DOCK2: variants seen among roughly 807,000 people sequenced by gnomAD.
DOCK2 encodes the protein dedicator of cytokinesis protein 2.
In DOCK2, 87 loss-of-function variants were observed where a neutral mutation model predicts 248.9. The observed-to-expected ratio is 0.35, with a 90% CI of 0.29 to 0.42. The LOEUF (loss-of-function observed/expected upper bound fraction) is 0.42. Ranked by LOEUF, DOCK2 falls within the 10% of genes least tolerant of loss-of-function variation. The pLI is 1.00. For synonymous variants in DOCK2, 805 were observed against 821.6 expected (o/e 0.98, Z 0.35); for missense variants, 1,747 against 2,300.2 (o/e 0.76, Z 4.92).
In DOCK2 at chr5:169,920,932, T is replaced by C. The variant is rs541418937; in HGVS notation, c.2800-62136T>C. On this transcript the variant is annotated intron_variant, in intron 27 of 51. Coordinates refer to ENST00000520908, the MANE Select transcript of DOCK2 (RefSeq NM_004946.3). ...CAGCAGCTCTTATTGTCAAAAAATA[T>C]AGTTAAACAGTTTATTAGATGAACT... 2.2e-4 allele frequency among the ~76,000 whole-genome samples: 34 copies of C among 152,302 alleles called. 1 individual carries two copies. In the South Asian group the frequency reaches 6.2e-3, roughly 28 times the overall value.
intron 27 of DOCK2, among the ~76,000 whole-genome samples, chr5:169,874,799 C>T (rs752968029): frequency 6.6e-6 from 1 of 152,186 alleles, no homozygotes; most frequent in East Asian, 1.9e-4. Context: ...GAGGAAGGAA[C>T]GGTTACAGCT....
chr5:169,883,242 A>T, intron 27 of DOCK2: 1 of 1,551,640 alleles, frequency 6.4e-7, no homozygotes, highest in Non-Finnish European at 8.7e-7. Context: ...GGCTGAGAGC[A>T]GACTCTCTAG....
At chr5:170,006,665 G>A (rs1755043489) in intron 30 of DOCK2, among the ~76,000 whole-genome samples, 1 of 152,136 alleles carries the variant, frequency 6.6e-6, no homozygotes, top group Non-Finnish European at 1.5e-5. Context: ...GGGTGATAAA[G>A]GTCCAAGTAA....
At chr5:169,729,616 A>C (rs1346732273) in intron 22 of DOCK2, among the ~76,000 whole-genome samples, 4 of 152,238 alleles carry the variant, frequency 2.6e-5, no homozygotes, top group Non-Finnish European at 5.9e-5. Flanking sequence ...ACTCTAGTGA[A>C]AAAGACAGAT....
intron 15 of DOCK2, among the ~76,000 whole-genome samples, chr5:169,710,984 A>C (rs1363731116): frequency 6.6e-6 from 1 of 152,158 alleles, no homozygotes; most frequent in Non-Finnish European, 1.5e-5. Context: ...AGCACCCCAC[A>C]TGATTGTAGC....
chr5:169,795,456 G>T (rs867628681), intron 25 of DOCK2, among the ~76,000 whole-genome samples: 2 of 152,168 alleles, frequency 1.3e-5, no homozygotes, highest in Non-Finnish European at 1.5e-5. Flanking sequence ...TCTGGGTGTT[G>T]TAATGAGGCA....
chr5:169,781,971 G>A lies in DOCK2; in HGVS notation c.2554+20346G>A, dbSNP rs193008104. On this transcript the variant is annotated intron_variant, in intron 25 of 51. Transcript: ENST00000520908. The stretch of plus-strand genomic sequence containing the variant: ...GCTTTGTTTTGTTTGTTGGTTTATG[G>A]GGATTCTGGGCTCTGTCTCTGGGTG... Among the ~76,000 whole-genome samples, 4 of 152,260 alleles carry A rather than the reference G, an allele frequency of 2.6e-5. No individual in the cohort carries two copies. The East Asian group carries it at 7.7e-4, about 29-fold the overall frequency.
At chr5:169,906,603 G>T (rs1344174190) in intron 27 of DOCK2, among the ~76,000 whole-genome samples, 1 of 152,102 alleles carries the variant, frequency 6.6e-6, no homozygotes. Context: ...AAGTGCTGGG[G>T]TTACGGGTAT....
chr5:169,937,129 T>G (rs2113696585), intron 27 of DOCK2, among the ~76,000 whole-genome samples: 1 of 152,304 alleles, frequency 6.6e-6, no homozygotes, highest in African/African-American at 2.4e-5. Flanking sequence ...GTAAATAAAG[T>G]TTTACTGCGG....
intron 28 of DOCK2, 28 bp from the exon 29 acceptor site, chr5:169,985,800 A>G (rs1211630959): frequency 1.3e-6 from 2 of 1,562,454 alleles, no homozygotes; most frequent in Non-Finnish European, 8.7e-7. Context: ...AAACAGGATG[A>G]CATGTGTGCT....
chr5:170,029,598 C>G (rs1756053783), intron 34 of DOCK2, among the ~76,000 whole-genome samples: 1 of 152,196 alleles, frequency 6.6e-6, no homozygotes, highest in African/African-American at 2.4e-5. Context: ...TCTTCCATCT[C>G]CAGGACTTGC....
chr5:169,953,470 C>G (rs1204659941), intron 27 of DOCK2, among the ~76,000 whole-genome samples: 7 of 152,144 alleles, frequency 4.6e-5, no homozygotes, highest in Admixed American at 4.6e-4. Context: ...CCGCAATTCC[C>G]TTGTTTATGA....
At chr5:169,996,705 G>T (rs545140454) in intron 30 of DOCK2, among the ~76,000 whole-genome samples, 1 of 152,282 alleles carries the variant, frequency 6.6e-6, no homozygotes, top group South Asian at 2.1e-4. Flanking sequence ...CAAACTCTGT[G>T]GGAAAGTCCA....
chr5:170,072,114 T>C (rs887567793), intron 46 of DOCK2, among the ~76,000 whole-genome samples: 5 of 152,340 alleles, frequency 3.3e-5, no homozygotes, highest in South Asian at 4.1e-4. Flanking sequence ...TTGGTACACA[T>C]ATGCAAAATT....
intron 49 of DOCK2, chr5:170,079,385 G>A (rs1266364270): frequency 4.1e-6 from 2 of 482,906 alleles, no homozygotes; most frequent in Non-Finnish European, 3.8e-6. Flanking sequence ...GCACTTCAGA[G>A]CCTGTGTGTA....
At chr5:169,748,292 A>G (rs536432038) in intron 23 of DOCK2, among the ~76,000 whole-genome samples, 71 of 152,290 alleles carry the variant, frequency 4.7e-4, no homozygotes, top group Admixed American at 7.8e-4. Flanking sequence ...AAGGTGAGGA[A>G]GCAGAGGTGG....
intron 27 of DOCK2, among the ~76,000 whole-genome samples, chr5:169,900,130 A>T (rs546529419): frequency 2.1e-4 from 32 of 152,260 alleles, no homozygotes; most frequent in African/African-American, 7.5e-4. Flanking sequence ...GGCATCAGGA[A>T]CACCTCCAAG....
At chr5:169,771,579 C>T (rs1223461673) in intron 25 of DOCK2, among the ~76,000 whole-genome samples, 2 of 152,120 alleles carry the variant, frequency 1.3e-5, no homozygotes, top group African/African-American at 4.8e-5. Flanking sequence ...CCGCACCCGG[C>T]CTTTTGTCTT....
rs562193405 is a variant in DOCK2, at chr5:169,658,396, C to T, written c.127+3910C>T. 4.8e-4 allele frequency among the ~76,000 whole-genome samples: 69 copies of T among 142,374 alleles called. 1 individual carries two copies. The highest frequency in any genetic ancestry group is 4.3e-3 in the South Asian group (19 of 4,418). The allele number at this position is 142,374 out of a possible 152,430, so 93.4% of individuals were successfully genotyped here. ...TCAGGAGGCTGAGGCAGGAGAATTG[C>T]GTGAACCTGGGAGGCGGAGCTTGCA... On this transcript the variant is annotated intron_variant, in intron 2 of 51. Coordinates refer to ENST00000520908, the MANE Select transcript of DOCK2 (RefSeq NM_004946.3).
Sources: gnomAD v4.1 joint callset for allele counts (sites outside exome capture counted in the v4.1 genomes callset) on GRCh38, gnomAD v4.1.1 for gene constraint, MANE v1.5 for transcripts, NCBI Gene and HGNC (gene_info 2026-07-23, HGNC 2026-07-21) for gene names.